HIP1R: variants seen among roughly 807,000 people sequenced by gnomAD.
HIP1R encodes huntingtin interacting protein 1 related.
A neutral mutation model predicts 144.2 loss-of-function variants in HIP1R; 135 were observed. The observed-to-expected ratio is 0.94, with a 90% CI of 0.81 to 1.08. The LOEUF (loss-of-function observed/expected upper bound fraction) is 1.08, where lower values mean the gene tolerates loss of function less well. Among genes scored for constraint, HIP1R ranks in the 50% least tolerant of loss-of-function variants. HIP1R has a pLI of 0.00. For missense variants in HIP1R, 1,462 were observed against 1,432.8 expected, an observed-to-expected ratio of 1.02 and a Z score of -0.33; for synonymous variants, 698 against 612.8, an observed-to-expected ratio of 1.14 and a Z score of -2.05.
In HIP1R at chr12:122,855,043, A is replaced by T; in HGVS notation, c.777-10A>T. On this transcript the variant is annotated splice_polypyrimidine_tract_variant and intron_variant, in intron 9 of 31. Coordinates refer to ENST00000253083, the MANE Select transcript of HIP1R (RefSeq NM_003959.3). ...CCTTCCTGAACCCGAACTTCCCACC[A>T]TCTCTGCAGCCTCAGGAACTTCTTC... 1.2e-6 allele frequency: 2 copies of T among 1,613,802 alleles called. No homozygotes were observed. The highest frequency in any genetic ancestry group is 1.7e-6 in the Non-Finnish European group (2 of 1,179,986).
chr12:122,857,154 GCCGGGAGCAGCAGCGCAGCTC>G lies in HIP1R; in HGVS notation c.1757_1777del (p.Arg586_Ser592del), dbSNP rs1316922330. 5 of 1,550,312 alleles carry G rather than the reference GCCGGGAGCAGCAGCGCAGCTC, an allele frequency of 3.2e-6. No individual in the cohort carries two copies. The highest frequency in any genetic ancestry group is 4.4e-6 in the Non-Finnish European group (5 of 1,146,898). On this transcript the variant is annotated inframe_deletion, in exon 18 of 32. Coordinates refer to ENST00000253083, the MANE Select transcript of HIP1R (RefSeq NM_003959.3). ...GTGCGCGAGACAGAGGCGGCGCTGAGCCGGGAGCAGCAGCGCAGCTCCCAGGAGCAGGGCGAGTTGCAGGGC... is the reference window on the plus strand; with the variant it reads ...GTGCGCGAGACAGAGGCGGCGCTGAGCCAGGAGCAGGGCGAGTTGCAGGGC...
In HIP1R at chr12:122,856,141, G is replaced by A; in HGVS notation, c.1290G>A (p.Gln430=). The change falls in exon 14 of 32, where the codon CAG becomes CAA. Residue 430 remains glutamine, a synonymous_variant. Transcript: ENST00000253083. ...RAAQLEGERS[Q]GLREEAERKA... is the part of the protein sequence containing the mutation. ...CCCAGCTGGAGGGCGAGCGGAGCCA[G>A]GGCCTGCGTGAGGAGGCTGAGAGTA... 1 of 1,595,548 alleles carries A rather than the reference G, an allele frequency of 6.3e-7. No individual in the cohort carries two copies. Among genetic ancestry groups the A allele is most frequent in the South Asian group, 1.1e-5 (1 of 88,860 alleles).
At chr12:122,849,830 C>T (rs745988369) in intron 4 of HIP1R, 45 bp from the exon 5 acceptor site, 31 of 1,417,538 alleles carry the variant, frequency 2.2e-5, no homozygotes, top group Admixed American at 2.0e-4. Flanking sequence ...GACTCTTGGA[C>T]GTGTTCACGA....
rs1410508390 is a variant in HIP1R, at chr12:122,861,733, G to A, written c.3187G>A (p.Ala1063Thr). 6.2e-7 allele frequency: 1 copy of A among 1,614,120 alleles called. No homozygotes were observed. The highest frequency in any genetic ancestry group is 1.1e-5 in the South Asian group (1 of 91,086). Reference sequence around the variant, plus strand: ...TGACAAAAAGGATGGCATCTACCCAGCTCAACTCGTGAACTACTAGGCCCC... The same window carrying A: ...TGACAAAAAGGATGGCATCTACCCAACTCAACTCGTGAACTACTAGGCCCC... ...QLDKKDGIYPAQLVNY is the reference protein window; with the variant it reads ...QLDKKDGIYPTQLVNY Residue 1063 changes from alanine (A) to threonine (T), a missense_variant, in exon 32 of 32, where the codon GCT (alanine) becomes ACT (threonine). By Grantham distance (58) the Ala-to-Thr change is moderately conservative (BLOSUM62 0). This residue lies in a region of HIP1R where 1,112 missense variants were observed against 1,011.7 expected (regional missense o/e 1.10). Coordinates refer to ENST00000253083, the MANE Select transcript of HIP1R (RefSeq NM_003959.3).
intron 7 of HIP1R, 97 bp downstream of exon 7, chr12:122,851,394 C>A: frequency 2.9e-6 from 3 of 1,021,872 alleles, no homozygotes; most frequent in Non-Finnish European, 4.1e-6. Flanking sequence ...ATCAGACCAA[C>A]TGATCACTAT....
chr12:122,855,996 C>T lies in HIP1R; in HGVS notation c.1145C>T (p.Ala382Val), dbSNP rs1252132148. ...KIKLEAQRYI[A>V]QLKSQVNALE... ...CTCCCGCAGGCCCAGCGGTACATCG[C>T]GCAGCTGAAGAGCCAGGTGAATGCA... The change falls in exon 14 of 32, where the codon GCG (alanine) becomes GTG (valine). Residue 382 changes from alanine (A) to valine (V), a missense_variant. Coordinates refer to ENST00000253083, the MANE Select transcript of HIP1R (RefSeq NM_003959.3). 21 of 1,590,958 alleles carry T rather than the reference C, an allele frequency of 1.3e-5. No individual in the cohort carries two copies. The highest frequency in any genetic ancestry group is 1.7e-4 in the Middle Eastern group (1 of 6,050).
At chr12:122,851,117 C>A in intron 6 of HIP1R, 119 bp from the exon 7 acceptor site, 1 of 955,066 alleles carries the variant, frequency 1.0e-6, no homozygotes, top group Non-Finnish European at 1.6e-6. Context: ...CAGAGGCACG[C>A]TGTCTCACCA....
At chr12:122,849,231 C>T (rs1372970271) in intron 4 of HIP1R, among the ~76,000 whole-genome samples, 2 of 152,266 alleles carry the variant, frequency 1.3e-5, no homozygotes, top group Non-Finnish European at 2.9e-5. Flanking sequence ...AGCACACACA[C>T]AGTAAGGCCT....
chr12:122,862,954 T>A lies in HIP1R; in HGVS notation c.*1201T>A, dbSNP rs1303722842. ...GGCAATAAAATGCACTTTGACTGTTTGTTGTCACTGATGCCCCAGAGGGAG... is the reference window on the plus strand; with the variant it reads ...GGCAATAAAATGCACTTTGACTGTTAGTTGTCACTGATGCCCCAGAGGGAG... On this transcript the variant is annotated 3_prime_UTR_variant, in exon 32 of 32. Coordinates refer to ENST00000253083, the MANE Select transcript of HIP1R (RefSeq NM_003959.3). 1 of 152,270 alleles carries A rather than the reference T, an allele frequency of 6.6e-6. No homozygotes were observed. The highest frequency in any genetic ancestry group is 1.5e-5 in the Non-Finnish European group (1 of 68,062). The allele number at this position is 152,270 out of a possible 1,614,324, so 9.4% of individuals were successfully genotyped here. A position where few individuals can be genotyped will look rare whatever the true frequency, so the allele number is the denominator to read the frequency against.
Position 122,848,484 on chromosome 12 carries a change from A to G in HIP1R, c.176A>G (p.His59Arg). Reference protein sequence around the residue: ...KHARRIILGTHHEKGAFTFWS... With the variant: ...KHARRIILGTRHEKGAFTFWS... ...ATTGCAGGCATCATTCTGGGCACAC[A>G]CCACGAGAAGGGGGCTTTCACCTTC... Residue 59 changes from histidine to arginine, a missense_variant, in exon 3 of 32, where the codon CAC becomes CGC. Transcript: ENST00000253083. 1 of 1,612,774 alleles carries G rather than the reference A, an allele frequency of 6.2e-7. No homozygotes were observed. The highest frequency in any genetic ancestry group is 8.5e-7 in the Non-Finnish European group (1 of 1,179,606).
rs1340143815 is a variant in HIP1R, at chr12:122,861,441, C to G, written c.3086C>G (p.Ala1029Gly). ...GAGGTGGCCATCCGGCCCAGCACTG[C>G]CCCCCGAAGTGTAACCACCAAGAAA... is the stretch of plus-strand genomic sequence containing the variant. ...GEEVAIRPST[A>G]PRSVTTKKPP... Residue 1029 changes from alanine to glycine, a missense_variant, in exon 31 of 32, where the codon GCC becomes GGC. Ala to Gly is a moderately conservative substitution (Grantham distance 60, BLOSUM62 0). Transcript: ENST00000253083. 2 of 1,613,464 alleles carry G rather than the reference C, an allele frequency of 1.2e-6. No homozygotes were observed. Among genetic ancestry groups the G allele is most frequent in the Admixed American group, 3.3e-5 (2 of 60,014 alleles).
chr12:122,859,382 G>GA (rs567148630), intron 22 of HIP1R, 44 bp from the exon 23 acceptor site: 3 of 1,552,472 alleles, frequency 1.9e-6, no homozygotes, highest in East Asian at 4.5e-5. Flanking sequence ...CCGTGGGACG[G>GA]GGGGGGACGG....
chr12:122,860,261 G>T, intron 26 of HIP1R, 51 bp downstream of exon 26: 1 of 1,533,450 alleles, frequency 6.5e-7, no homozygotes, highest in South Asian at 1.2e-5. Context: ...CTGACCCCCA[G>T]CCTAGGCCAC....
rs767743361 is a variant in HIP1R, at chr12:122,858,880, T to A, written c.2093T>A (p.Leu698Gln). The change falls in exon 21 of 32, where the codon CTG becomes CAG. Residue 698 changes from leucine to glutamine, a missense_variant. This residue lies in a region of HIP1R where 1,112 missense variants were observed against 1,011.7 expected (regional missense o/e 1.10). Transcript: ENST00000253083. ...GCAGCTCTGACCCGCTTCTCCCACC[T>A]GGCTGCGGATACCATCATCAATGGC... ...LVAALTRFSHLAADTIINGGA... is the reference protein window; with the variant it reads ...LVAALTRFSHQAADTIINGGA... 1.2e-6 allele frequency: 2 copies of A among 1,612,934 alleles called. No homozygotes were observed. Among genetic ancestry groups the A allele is most frequent in the Non-Finnish European group, 1.7e-6 (2 of 1,179,812 alleles).
At position 122,857,156 on chromosome 12, in the gene HIP1R, C is replaced by T. The variant is rs375737707; in HGVS notation, c.1756C>T (p.Arg586Trp). The change falls in exon 18 of 32, where the codon CGG (arginine) becomes TGG (tryptophan). Residue 586 changes from arginine (R) to tryptophan (W), a missense_variant. Arg to Trp is a moderately radical substitution (Grantham distance 101). Around this residue, in one of 2 missense-constraint regions of HIP1R, gnomAD observed 1,112 missense variants for 1,011.7 expected, o/e 1.10. Coordinates refer to ENST00000253083, the MANE Select transcript of HIP1R (RefSeq NM_003959.3). Reference protein sequence around the residue: ...LVRETEAALSREQQRSSQEQG... With the variant: ...LVRETEAALSWEQQRSSQEQG... Reference sequence around the variant, plus strand: ...GCGCGAGACAGAGGCGGCGCTGAGCCGGGAGCAGCAGCGCAGCTCCCAGGA... The same window carrying T: ...GCGCGAGACAGAGGCGGCGCTGAGCTGGGAGCAGCAGCGCAGCTCCCAGGA... 160 of 1,550,266 alleles carry T rather than the reference C, an allele frequency of 1.0e-4. No homozygotes were observed. The highest frequency in any genetic ancestry group is 2.0e-4 in the Admixed American group (10 of 50,974).
At chr12:122,838,736 AC>A (rs1300998717) in intron 1 of HIP1R, among the ~76,000 whole-genome samples, 2 of 152,208 alleles carry the variant, frequency 1.3e-5, no homozygotes, top group Non-Finnish European at 2.9e-5. Context: ...CTCCTGGGCT[AC>A]CAGGTGGGCT....
At chr12:122,841,254 G>A (rs934751581) in intron 1 of HIP1R, among the ~76,000 whole-genome samples, 8 of 152,322 alleles carry the variant, frequency 5.3e-5, no homozygotes, top group African/African-American at 1.4e-4. Flanking sequence ...CATTATTTGC[G>A]CTGCTTCCAC....
At position 122,857,124 on chromosome 12, in the gene HIP1R, G is replaced by A. The variant is rs917333616; in HGVS notation, c.1724G>A (p.Ser575Asn). ...GAGGCAGACCTGCTGGCGGCGCAGA[G>A]CCTGGTGCGCGAGACAGAGGCGGCG... ...QREADLLAAQ[S>N]LVRETEAALS... is the part of the protein sequence containing the mutation. The change falls in exon 18 of 32, where the codon AGC becomes AAC. Residue 575 changes from serine to asparagine, a missense_variant. Physicochemically the swap from Ser to Asn is conservative, Grantham distance 46. This residue lies in a region of HIP1R where 1,112 missense variants were observed against 1,011.7 expected (regional missense o/e 1.10). Coordinates refer to ENST00000253083, the MANE Select transcript of HIP1R (RefSeq NM_003959.3). 6.4e-7 allele frequency: 1 copy of A among 1,550,560 alleles called. No individual in the cohort carries two copies. Among genetic ancestry groups the A allele is most frequent in the Non-Finnish European group, 8.7e-7 (1 of 1,146,984 alleles).
chr12:122,841,079 C>T (rs1183229247), intron 1 of HIP1R, among the ~76,000 whole-genome samples: 13 of 152,328 alleles, frequency 8.5e-5, no homozygotes, highest in African/African-American at 1.7e-4. Flanking sequence ...GATACCCAGC[C>T]GGCTAACCTG....
Sources: allele counts gnomAD v4.1 joint callset (sites outside exome capture counted in the v4.1 genomes callset), GRCh38; gene constraint gnomAD v4.1.1; regional missense constraint gnomAD v4.1.1; transcripts MANE v1.5; gene names NCBI Gene and HGNC (gene_info 2026-07-23, HGNC 2026-07-21).